NKAIN2: variants seen among roughly 807,000 people sequenced by gnomAD.
The protein encoded by NKAIN2 is sodium/potassium transporting ATPase interacting 2, also known as sodium/potassium-transporting ATPase subunit beta-1-interacting protein 2.
In NKAIN2, 14 loss-of-function variants were observed where a neutral mutation model predicts 32.6. That is an observed-to-expected ratio of 0.43 (90% CI 0.28 to 0.67). The LOEUF (loss-of-function observed/expected upper bound fraction) is 0.67, where lower values mean the gene tolerates loss of function less well. NKAIN2 is among the 30% of genes least tolerant of loss of function. NKAIN2 has a pLI of 0.17. For missense variants in NKAIN2, 198 were observed against 258.3 expected (o/e 0.77, Z 1.60); for synonymous variants, 80 against 87.2 (o/e 0.92, Z 0.46).
chr6:124,364,005 G>A (rs930863844), intron 3 of NKAIN2, among the ~76,000 whole-genome samples: 14 of 151,896 alleles, frequency 9.2e-5, no homozygotes, highest in Non-Finnish European at 1.6e-4. Flanking sequence ...GAAAATAAAC[G>A]GGAAAACTGG....
intron 1 of NKAIN2, among the ~76,000 whole-genome samples, chr6:124,039,828 A>G (rs1781784368): frequency 1.3e-5 from 2 of 151,878 alleles, no homozygotes; most frequent in South Asian, 4.1e-4. Context: ...ATTTCTCTCT[A>G]TTGACTGGTT....
chr6:124,247,118 CT>C (rs1793449734), intron 1 of NKAIN2, among the ~76,000 whole-genome samples: 1 of 152,012 alleles, frequency 6.6e-6, no homozygotes, highest in Non-Finnish European at 1.5e-5. Context: ...AAGTTCTTCA[CT>C]TTAAGGCCTC....
chr6:124,360,476 A>T (rs893659576), intron 3 of NKAIN2, among the ~76,000 whole-genome samples: 8 of 152,142 alleles, frequency 5.3e-5, no homozygotes, highest in African/African-American at 1.7e-4. Flanking sequence ...CCTTTTGATC[A>T]TGTTTTCTTT....
intron 3 of NKAIN2, among the ~76,000 whole-genome samples, chr6:124,627,680 TTC>T (rs1783406652): frequency 6.6e-6 from 1 of 152,180 alleles, no homozygotes; most frequent in Non-Finnish European, 1.5e-5. Flanking sequence ...TAACTCAAAA[TTC>T]TGAGTTCTTG....
intron 3 of NKAIN2, among the ~76,000 whole-genome samples, chr6:124,449,368 C>T (rs1471253659): frequency 6.6e-6 from 1 of 152,018 alleles, no homozygotes; most frequent in Non-Finnish European, 1.5e-5. Flanking sequence ...GGGGCAAAAA[C>T]ATGCACCAGC....
At chr6:123,953,517 GA>G (rs1203332769) in intron 1 of NKAIN2, among the ~76,000 whole-genome samples, 2 of 152,120 alleles carry the variant, frequency 1.3e-5, no homozygotes, top group African/African-American at 4.8e-5. Flanking sequence ...TAGTGGCTGT[GA>G]TGGGCTGGGT....
intron 1 of NKAIN2, among the ~76,000 whole-genome samples, chr6:123,947,961 A>G (rs1250980720): frequency 6.6e-6 from 1 of 151,970 alleles, no homozygotes; most frequent in Non-Finnish European, 1.5e-5. Context: ...CTTATTGTCT[A>G]CCTCCATGAA....
At chr6:124,329,983 A>G (rs1382766824) in intron 2 of NKAIN2, among the ~76,000 whole-genome samples, 1 of 152,216 alleles carries the variant, frequency 6.6e-6, no homozygotes, top group African/African-American at 2.4e-5. Flanking sequence ...TCCGACTTCA[A>G]GGATGCAAGG....
intron 2 of NKAIN2, among the ~76,000 whole-genome samples, chr6:124,325,698 A>C (rs1230898930): frequency 2.0e-5 from 3 of 152,124 alleles, no homozygotes; most frequent in African/African-American, 7.2e-5. Context: ...ACTAAGCTAT[A>C]TTGACATAAT....
intron 1 of NKAIN2, among the ~76,000 whole-genome samples, chr6:124,261,217 C>T (rs564380738): frequency 3.9e-5 from 6 of 152,246 alleles, no homozygotes; most frequent in Middle Eastern, 6.8e-3. Context: ...GATACAATCT[C>T]GTCTTGTTTT....
chr6:124,637,447 G>A (rs1229056316), intron 3 of NKAIN2, among the ~76,000 whole-genome samples: 1 of 151,962 alleles, frequency 6.6e-6, no homozygotes, highest in Non-Finnish European at 1.5e-5. Flanking sequence ...AAGTCAAATT[G>A]TCCCTCTTTG....
At chr6:124,702,096 A>G (rs986782305) in intron 4 of NKAIN2, among the ~76,000 whole-genome samples, 2 of 152,152 alleles carry the variant, frequency 1.3e-5, no homozygotes, top group Admixed American at 1.3e-4. Context: ...GAACTGACAG[A>G]TACAACAATT....
At chr6:124,751,736 T>G (rs1562363129) in intron 4 of NKAIN2, among the ~76,000 whole-genome samples, 1 of 151,536 alleles carries the variant, frequency 6.6e-6, no homozygotes, top group East Asian at 2.0e-4. Flanking sequence ...CCTAACACTT[T>G]AGGAGGCTAA....
chr6:124,485,522 TTAAAA>T lies in NKAIN2; in HGVS notation c.273+130183_273+130187del, dbSNP rs532252671. 2.7e-3 allele frequency among the ~76,000 whole-genome samples: 405 copies of T among 152,210 alleles called. 2 individuals are homozygous for T. The highest frequency in any genetic ancestry group is 4.9e-3 in the Non-Finnish European group (336 of 68,008). ...TAAATAAATACATGTTAAAATATAG[TTAAAA>T]TAAAATATGTTTTATTATATAAAAT... On this transcript the variant is annotated intron_variant, in intron 3 of 6. Transcript: ENST00000368417.
intron 5 of NKAIN2, among the ~76,000 whole-genome samples, chr6:124,804,122 T>A (rs1780406877): frequency 6.6e-6 from 1 of 152,150 alleles, no homozygotes; most frequent in African/African-American, 2.4e-5. Context: ...CCCCCCATCT[T>A]GATGCTACCA....
intron 1 of NKAIN2, among the ~76,000 whole-genome samples, chr6:124,192,741 G>GTTTTT (rs1205303294): frequency 7.8e-5 from 6 of 77,186 alleles, no homozygotes; most frequent in Non-Finnish European, 1.0e-4. Flanking sequence ...AGTTCCATCC[G>GTTTTT]TTTTTTTTTT....
chr6:124,752,347 T>C (rs1409353781), intron 4 of NKAIN2, among the ~76,000 whole-genome samples: 2 of 152,080 alleles, frequency 1.3e-5, no homozygotes, highest in African/African-American at 4.8e-5. Flanking sequence ...GGTTCTGCAA[T>C]TCCCTAAAAC....
chr6:124,425,779 G>A (rs1302581662), intron 3 of NKAIN2, among the ~76,000 whole-genome samples: 1 of 152,016 alleles, frequency 6.6e-6, no homozygotes, highest in African/African-American at 2.4e-5. Context: ...TGTTAATGTG[G>A]TTATTACCAA....
At chr6:124,016,351 A>G (rs909435019) in intron 1 of NKAIN2, among the ~76,000 whole-genome samples, 1 of 152,186 alleles carries the variant, frequency 6.6e-6, no homozygotes, top group African/African-American at 2.4e-5. Context: ...GCCATTTTTT[A>G]TAAAATGCCT....
Sources: gnomAD v4.1 joint callset for allele counts (sites outside exome capture counted in the v4.1 genomes callset) on GRCh38, gnomAD v4.1.1 for gene constraint, MANE v1.5 for transcripts, NCBI Gene and HGNC (gene_info 2026-07-23, HGNC 2026-07-21) for gene names.